The following RBM19 variants were observed in gnomAD, a reference collection of about 807,000 sequenced individuals.
The protein encoded by RBM19 is RNA binding motif protein 19.
A neutral mutation model predicts 116.8 loss-of-function variants in RBM19; 94 were observed. That is an observed-to-expected ratio of 0.80 (90% CI 0.68 to 0.95). RBM19 has a LOEUF of 0.95. RBM19 is among the 40% of genes least tolerant of loss of function. The probability of loss-of-function intolerance (pLI) is 0.00; values close to 1 mark genes in which losing one functional copy is unlikely to be tolerated. For missense variants in RBM19, 1,161 were observed against 1,220.7 expected (o/e 0.95, Z 0.73); for synonymous variants, 475 against 494.1 (o/e 0.96, Z 0.51).
chr12:113,878,907 T>C (rs1879875570), intron 21 of RBM19, among the ~76,000 whole-genome samples: 1 of 151,292 alleles, frequency 6.6e-6, no homozygotes, highest in African/African-American at 2.4e-5. Context: ...TGTATGTGTA[T>C]CTGTTGTGTG....
intron 23 of RBM19, among the ~76,000 whole-genome samples, chr12:113,838,363 TG>T (rs765289707): frequency 1.3e-5 from 2 of 151,920 alleles, no homozygotes; most frequent in African/African-American, 4.8e-5. Flanking sequence ...GGGGAGAGCA[TG>T]CAAACTCCAC....
chr12:113,823,085 C>A lies in RBM19; in HGVS notation c.*139G>T. ...AGGCCTTCCTCATCCCCTGTCTCCT[C>A]CGACCTTGGACCAGTGCAGGGTGGG... On this transcript the variant is annotated 3_prime_UTR_variant, in exon 24 of 24. Transcript: ENST00000261741. 1 of 737,618 alleles carries A rather than the reference C, an allele frequency of 1.4e-6. No homozygotes were observed. The allele number at this position is 737,618 out of a possible 1,614,324, so 45.7% of individuals were successfully genotyped here. A position where few individuals can be genotyped will look rare whatever the true frequency, so the allele number is the denominator to read the frequency against.
chr12:113,937,074 T>TG lies in RBM19; in HGVS notation c.2000dup (p.Gln668ThrfsTer25). 6.2e-7 allele frequency: 1 copy of TG among 1,614,022 alleles called. No homozygotes were observed. The highest frequency in any genetic ancestry group is 8.5e-7 in the Non-Finnish European group (1 of 1,179,968). ...GTGTGTCTTGGAGCTTTTTCTTCTG[T>TG]GGGGCTGTGCTGGAGAAGACGCCAA... On this transcript the variant is annotated frameshift_variant, in exon 16 of 24. Coordinates refer to ENST00000261741, the MANE Select transcript of RBM19 (RefSeq NM_016196.4). LOFTEE classifies it high-confidence loss of function.
chr12:113,931,228 C>T (rs1566023848), intron 16 of RBM19, among the ~76,000 whole-genome samples: 1 of 152,200 alleles, frequency 6.6e-6, no homozygotes, highest in South Asian at 2.1e-4. Flanking sequence ...CAGGTGTATA[C>T]AGACCACTGG....
chr12:113,874,279 A>T (rs764776639), intron 21 of RBM19, among the ~76,000 whole-genome samples: 2 of 152,214 alleles, frequency 1.3e-5, no homozygotes, highest in Non-Finnish European at 2.9e-5. Context: ...GTGCTGATGA[A>T]TGGAGTTATT....
rs1335574995 is a variant in RBM19, at chr12:113,839,458, T to C, written c.2785+5210A>G. On this transcript the variant is annotated intron_variant, in intron 23 of 23. Coordinates refer to ENST00000261741, the MANE Select transcript of RBM19 (RefSeq NM_016196.4). ...ATCACCTCACTTTCCCAATCCAGTG[T>C]CACACTCCCAGGGGAGGACGGATAG... 3.9e-5 allele frequency among the ~76,000 whole-genome samples: 6 copies of C among 152,212 alleles called. No homozygotes were observed. The South Asian group carries it at 1.0e-3, about 26-fold the overall frequency.
At chr12:113,921,680 G>T (rs1236764784) in intron 18 of RBM19, among the ~76,000 whole-genome samples, 1 of 152,166 alleles carries the variant, frequency 6.6e-6, no homozygotes, top group Non-Finnish European at 1.5e-5. Context: ...GCCACCCCAT[G>T]GCGACTTTAA....
At chr12:113,840,015 C>T (rs1876325734) in intron 23 of RBM19, among the ~76,000 whole-genome samples, 2 of 152,178 alleles carry the variant, frequency 1.3e-5, no homozygotes, top group Non-Finnish European at 2.9e-5. Context: ...AATTACCAGG[C>T]ATTCCCAGTC....
At chr12:113,939,189 T>G (rs1390944462) in intron 15 of RBM19, among the ~76,000 whole-genome samples, 1 of 151,734 alleles carries the variant, frequency 6.6e-6, no homozygotes, top group Non-Finnish European at 1.5e-5. Flanking sequence ...GCCTGTAGTC[T>G]CAGCTACATG....
intron 9 of RBM19, 124 bp downstream of exon 9, chr12:113,949,959 A>G: frequency 1.1e-6 from 1 of 878,582 alleles, no homozygotes; most frequent in Non-Finnish European, 1.8e-6. Context: ...TGCCTAGAAC[A>G]GTGTCTGCAG....
intron 23 of RBM19, among the ~76,000 whole-genome samples, chr12:113,837,655 G>A (rs1876089694): frequency 6.6e-6 from 1 of 152,228 alleles, no homozygotes; most frequent in South Asian, 2.1e-4. Flanking sequence ...GCAAGGGGCA[G>A]CCGCTCAGAT....
At chr12:113,948,170 C>T (rs954344136) in intron 10 of RBM19, among the ~76,000 whole-genome samples, 2 of 152,230 alleles carry the variant, frequency 1.3e-5, no homozygotes, top group Non-Finnish European at 2.9e-5. Flanking sequence ...CCACAACCTA[C>T]AGCTGGCCTC....
At chr12:113,910,448 T>C (rs1233560526) in intron 21 of RBM19, among the ~76,000 whole-genome samples, 1 of 152,186 alleles carries the variant, frequency 6.6e-6, no homozygotes, top group Admixed American at 6.5e-5. Flanking sequence ...TTACTAAGAA[T>C]TTCAAGATGG....
At chr12:113,883,345 A>C (rs537546909) in intron 21 of RBM19, among the ~76,000 whole-genome samples, 1 of 152,392 alleles carries the variant, frequency 6.6e-6, no homozygotes, top group East Asian at 1.9e-4. Context: ...TAGTGCAGAC[A>C]GAACCCTCTT....
chr12:113,888,511 A>G (rs539181104), intron 21 of RBM19, among the ~76,000 whole-genome samples: 14 of 152,238 alleles, frequency 9.2e-5, no homozygotes, highest in African/African-American at 2.9e-4. Flanking sequence ...CAGTATGACA[A>G]TTTCCGTATA....
chr12:113,875,083 G>A (rs146297912), intron 21 of RBM19, among the ~76,000 whole-genome samples: 2 of 152,382 alleles, frequency 1.3e-5, no homozygotes, highest in South Asian at 2.1e-4. Context: ...TGCAAGCGGC[G>A]AAGCCACGGT....
intron 22 of RBM19, 124 bp from the exon 23 acceptor site, chr12:113,844,912 C>T: frequency 7.4e-7 from 1 of 1,349,512 alleles, no homozygotes; most frequent in South Asian, 1.6e-5. Context: ...CCCGTGACAT[C>T]TGATCTCCAG....
At position 113,922,677 on chromosome 12, in the gene RBM19, A is replaced by G. The variant is rs78550567; in HGVS notation, c.2306-1987T>C. Among the ~76,000 whole-genome samples the G allele has an allele frequency of 4.8e-4, 73 of 150,924 alleles. 4 individuals carry two copies. The East Asian group carries it at 0.014, about 29-fold the overall frequency. On this transcript the variant is annotated intron_variant, in intron 18 of 23. Transcript: ENST00000261741. ...CCTTCTCATAATTAACTTGGTACTT[A>G]GCTGCCTTTCCTTGCACCCAAAACT...
intron 21 of RBM19, among the ~76,000 whole-genome samples, chr12:113,901,594 C>T (rs2135826334): frequency 6.6e-6 from 1 of 152,270 alleles, no homozygotes; most frequent in South Asian, 2.1e-4. Flanking sequence ...CTGCAACCTC[C>T]ACCTCCTGGG....
Sources: gnomAD v4.1 joint callset for allele counts (sites outside exome capture counted in the v4.1 genomes callset) on GRCh38, gnomAD v4.1.1 for gene constraint, MANE v1.5 for transcripts, NCBI Gene and HGNC (gene_info 2026-07-23, HGNC 2026-07-21) for gene names.